The following TP53I13 variants were observed in gnomAD, a reference collection of about 807,000 sequenced individuals.
The protein encoded by TP53I13 is tumor protein p53-inducible protein 13.
TP53I13 carries 27 observed loss-of-function variants against 39.1 expected under a neutral mutation model. That is an observed-to-expected ratio of 0.69 (90% CI 0.51 to 0.95). The LOEUF (loss-of-function observed/expected upper bound fraction) is 0.95. TP53I13 is among the 40% of genes least tolerant of loss of function. The pLI is 0.00. For missense variants in TP53I13, 544 were observed against 520.4 expected, an observed-to-expected ratio of 1.05 and a Z score of -0.44; for synonymous variants, 230 against 224.6, an observed-to-expected ratio of 1.02 and a Z score of -0.22.
At position 29,572,014 on chromosome 17, in the gene TP53I13, C is replaced by A; in HGVS notation, c.470C>A (p.Pro157Gln). 1.9e-6 allele frequency: 3 copies of A among 1,613,172 alleles called. No individual in the cohort carries two copies. Among genetic ancestry groups the A allele is most frequent in the Non-Finnish European group, 2.5e-6 (3 of 1,180,010 alleles). ...ESLSGPAPSEPTPGRGRLCRR... is the reference protein window; with the variant it reads ...ESLSGPAPSEQTPGRGRLCRR... ...CTTTCAGGGCCTGCTCCCTCCGAGC[C>A]AACTCCCGGTAGAGGGAGGCTGTGC... The change falls in exon 5 of 7, where the codon CCA becomes CAA. Residue 157 changes from proline to glutamine, a missense_variant. Pro to Gln is a moderately conservative substitution (Grantham distance 76). Coordinates refer to ENST00000301057, the MANE Select transcript of TP53I13 (RefSeq NM_138349.4).
downstream of TP53I13, chr17:29,577,286 C>G (rs1436618105): frequency 1.4e-5 from 22 of 1,530,874 alleles, no homozygotes; most frequent in Non-Finnish European, 1.9e-5. Context: ...TCAGGGGACC[C>G]CTTATGACTG....
chr17:29,575,242 A>G, downstream of TP53I13: 1 of 1,579,598 alleles, frequency 6.3e-7, no homozygotes. The surrounding 1 kb of genome is among the most constrained non-coding windows in gnomAD (Gnocchi z 5.5). Context: ...ACACCCTAGA[A>G]GCCAACAGGA....
downstream of TP53I13, chr17:29,576,976 G>A (rs867941189): frequency 5.0e-6 from 8 of 1,602,612 alleles, no homozygotes; most frequent in Non-Finnish European, 5.1e-6. Flanking sequence ...CTCTGGCTCC[G>A]CAGAGACAGC....
At chr17:29,581,226 G>C in the TP53I13 span, 7 of 787,854 alleles carry the variant, frequency 8.9e-6, no homozygotes, top group Admixed American at 3.8e-5. This position sits in a 1 kb window ranked among gnomAD's most constrained non-coding sequence, Gnocchi z 4.8. Flanking sequence ...CTAGTCTCTG[G>C]GGGGAGGGAG....
At chr17:29,568,542 A>G (rs1475945651), upstream of TP53I13, 2 of 162,052 alleles carry the variant, frequency 1.2e-5, no homozygotes, top group South Asian at 2.0e-4. This position sits in a 1 kb window ranked among gnomAD's most constrained non-coding sequence, Gnocchi z 4.5. Flanking sequence ...CTTCGGGTTT[A>G]AGACGCGTGC....
chr17:29,576,371 C>T (rs775272061), downstream of TP53I13: 13 of 1,613,374 alleles, frequency 8.1e-6, no homozygotes, highest in East Asian at 6.7e-5. Flanking sequence ...GTGTTCCGCC[C>T]GTTCACTGGG....
At chr17:29,581,142 G>A in the TP53I13 span, 20 of 608,780 alleles carry the variant, frequency 3.3e-5, no homozygotes, top group African/African-American at 1.1e-4. This position sits in a 1 kb window ranked among gnomAD's most constrained non-coding sequence, Gnocchi z 4.8. Flanking sequence ...CAGGCTATGC[G>A]GGCCACATAT....
intron 3 of TP53I13, 115 bp downstream of exon 3, chr17:29,569,474 G>T (rs560502753): frequency 9.8e-7 from 1 of 1,016,096 alleles, no homozygotes; most frequent in South Asian, 1.5e-5. Context: ...CTTCCCTCAG[G>T]CAGAGGCAGG....
At chr17:29,568,669 G>C, upstream of TP53I13, 1 of 901,968 alleles carries the variant, frequency 1.1e-6, no homozygotes, top group Non-Finnish European at 1.3e-6. The surrounding 1 kb of genome is among the most constrained non-coding windows in gnomAD (Gnocchi z 4.5). Flanking sequence ...CGCGGGCGGC[G>C]CGGGGGCGCT....
downstream of TP53I13, chr17:29,577,580 G>A (rs1445418116): frequency 1.9e-6 from 2 of 1,058,680 alleles, no homozygotes; most frequent in Non-Finnish European, 3.0e-6. Context: ...CCAGCCCACT[G>A]CCGGATGAGG....
chr17:29,578,535 T>G, the TP53I13 span, among the ~76,000 whole-genome samples: 2 of 152,008 alleles, frequency 1.3e-5, no homozygotes, highest in African/African-American at 4.8e-5. Flanking sequence ...TGTTCCAAAC[T>G]CCAAGGTGGG....
At chr17:29,578,245 C>G in the TP53I13 span, 3 of 1,422,612 alleles carry the variant, frequency 2.1e-6, no homozygotes, top group Non-Finnish European at 2.0e-6. Flanking sequence ...ACCAGAGACC[C>G]ATGCCTGGGC....
chr17:29,575,147 G>A (rs775624860), downstream of TP53I13: 7 of 1,593,978 alleles, frequency 4.4e-6, no homozygotes, highest in East Asian at 2.2e-5. This position sits in a 1 kb window ranked among gnomAD's most constrained non-coding sequence, Gnocchi z 5.5. Context: ...ACGAAGCTGC[G>A]GGGAGAAGGG....
Position 29,571,752 on chromosome 17 carries a change from C to A in TP53I13, c.312+33C>A, listed in dbSNP as rs199553155. The A allele has an allele frequency of 1.9e-6, 3 of 1,613,952 alleles. No homozygotes were observed. In the African/African-American group the frequency reaches 4.0e-5, roughly 22 times the overall value. ...GCTGATGAAAGGCGCTTGCCTGGCCCTGGCAGAAGGCTATGGCCCCGTGTG... is the reference window on the plus strand; with the variant it reads ...GCTGATGAAAGGCGCTTGCCTGGCCATGGCAGAAGGCTATGGCCCCGTGTG... On this transcript the variant is annotated intron_variant, in intron 4 of 6. Transcript: ENST00000301057.
In TP53I13 at chr17:29,569,353, A is replaced by G; in HGVS notation, c.177A>G (p.Pro59=). ...SPRVTYTRVS[P]GQAEDVTFLY... is the part of the protein sequence containing the mutation. Reference sequence around the variant, plus strand: ...GAGTGACCTACACACGAGTGAGCCCAGGGCAGGTGAGTACAAGCAGGGGCC... The same window carrying G: ...GAGTGACCTACACACGAGTGAGCCCGGGGCAGGTGAGTACAAGCAGGGGCC... The change falls in exon 3 of 7, where the codon CCA becomes CCG. Residue 59 remains proline, a synonymous_variant. Transcript: ENST00000301057. 6.2e-7 allele frequency: 1 copy of G among 1,613,762 alleles called. No homozygotes were observed. The highest frequency in any genetic ancestry group is 8.5e-7 in the Non-Finnish European group (1 of 1,179,882).
the TP53I13 span, chr17:29,579,272 A>C: frequency 2.0e-6 from 1 of 497,694 alleles, no homozygotes; most frequent in Non-Finnish European, 3.6e-6. Flanking sequence ...AGGTTCCTCA[A>C]TCACCTGTTG....
At position 29,571,664 on chromosome 17, in the gene TP53I13, A is replaced by G. The variant is rs762092993; in HGVS notation, c.257A>G (p.Tyr86Cys). 6 of 1,614,126 alleles carry G rather than the reference A, an allele frequency of 3.7e-6. No individual in the cohort carries two copies. Among genetic ancestry groups the G allele is most frequent in the South Asian group, 1.1e-5 (1 of 91,082 alleles). The change falls in exon 4 of 7, where the codon TAT becomes TGT. Residue 86 changes from tyrosine to cysteine, a missense_variant. Physicochemically the swap from Tyr to Cys is radical, Grantham distance 194. Transcript: ENST00000301057. Reference sequence around the variant, plus strand: ...AAGCTCCAGCTTGCCCTCCTGGCCTATGCTTGTATGGCTAACCCTTCCCTC... The same window carrying G: ...AAGCTCCAGCTTGCCCTCCTGGCCTGTGCTTGTATGGCTAACCCTTCCCTC... ...WLKLQLALLA[Y>C]ACMANPSLTP...
chr17:29,577,838 C>G, downstream of TP53I13: 1 of 764,328 alleles, frequency 1.3e-6, no homozygotes, highest in Non-Finnish European at 2.3e-6. Flanking sequence ...GCTGCCCCCA[C>G]GCCTACTGAG....
At chr17:29,575,624 C>T, downstream of TP53I13, 5 of 1,610,426 alleles carry the variant, frequency 3.1e-6, no homozygotes, top group African/African-American at 1.3e-5. The surrounding 1 kb of genome is among the most constrained non-coding windows in gnomAD (Gnocchi z 5.5). Flanking sequence ...ACCCAGGGAG[C>T]CTCACCCCAG....
Sources: gnomAD v4.1 joint callset for allele counts (sites outside exome capture counted in the v4.1 genomes callset) on GRCh38, gnomAD v4.1.1 for gene constraint, Gnocchi (gnomAD v3.1) non-coding constraint, MANE v1.5 for transcripts, NCBI Gene and HGNC (gene_info 2026-07-23, HGNC 2026-07-21) for gene names.